Variants in USH2A observed in about 807,000 individuals in gnomAD.
The protein encoded by USH2A is Usher syndrome 2A (autosomal recessive, mild).
In USH2A, 443 loss-of-function variants were observed where a neutral mutation model predicts 538.9. That is an observed-to-expected ratio of 0.82 (90% CI 0.76 to 0.89). The LOEUF is 0.89. Ranked by LOEUF, USH2A falls within the 40% of genes least tolerant of loss-of-function variation. USH2A has a pLI of 0.00. For missense variants in USH2A, 6,633 were observed against 6,324.8 expected (o/e 1.05, Z -1.65); for synonymous variants, 2,413 against 2,273.5 (o/e 1.06, Z -1.75).
In USH2A at chr1:215,743,349, G is replaced by T. The variant is rs780189196; in HGVS notation, c.11390-14C>A. On this transcript the variant is annotated splice_polypyrimidine_tract_variant and intron_variant, in intron 58 of 71. Coordinates refer to ENST00000307340, the MANE Select transcript of USH2A (RefSeq NM_206933.4). ...GGATGAGGATCCCTTTAAAGAGAGA[G>T]AGAGAGAGAGAACATTAAAAACATA... 1.7e-5 allele frequency: 27 copies of T among 1,549,508 alleles called. No homozygotes were observed. In the South Asian group the frequency reaches 2.8e-4, roughly 16 times the overall value.
At chr1:215,739,137 T>A (rs1267172908) in intron 60 of USH2A, among the ~76,000 whole-genome samples, 3 of 152,224 alleles carry the variant, frequency 2.0e-5, no homozygotes, top group Non-Finnish European at 4.4e-5. Flanking sequence ...AATGTATCTA[T>A]GTCAGTCAGT....
intron 3 of USH2A, among the ~76,000 whole-genome samples, chr1:216,365,663 A>G (rs1180376978): frequency 6.7e-6 from 1 of 148,276 alleles, no homozygotes; most frequent in Non-Finnish European, 1.5e-5. Flanking sequence ...ATAACTGCAC[A>G]TATTAGGGAT....
At chr1:215,629,901 G>A (rs1343829728) in intron 70 of USH2A, 1 of 295,584 alleles carries the variant, frequency 3.4e-6, no homozygotes, top group Non-Finnish European at 6.6e-6. Context: ...TCAGCCTCCC[G>A]AGTAGCTGGG....
chr1:215,692,677 G>T (rs1250478280), intron 61 of USH2A, among the ~76,000 whole-genome samples: 1 of 152,102 alleles, frequency 6.6e-6, no homozygotes, highest in South Asian at 2.1e-4. Flanking sequence ...GTACTTCATA[G>T]AAAATGAAGT....
At position 215,900,819 on chromosome 1, in the gene USH2A, C is replaced by A. The variant is rs374569301; in HGVS notation, c.7387G>T (p.Ala2463Ser). Residue 2463 changes from alanine to serine, a missense_variant, in exon 39 of 72, where the codon GCT becomes TCT. Ala to Ser is a moderately conservative substitution (Grantham distance 99). Transcript: ENST00000307340. ...VVWSTPARNN[A>S]PGSPRYQLQM... is the part of the protein sequence containing the mutation. ...AGTTGGTATCTGGGAGAGCCAGGAG[C>A]GTTATTACGAGCTGGTGTAGACCAG... The A allele has an allele frequency of 2.5e-6, 4 of 1,613,738 alleles. No individual in the cohort carries two copies. Among genetic ancestry groups the A allele is most frequent in the Non-Finnish European group, 3.4e-6 (4 of 1,179,784 alleles).
intron 21 of USH2A, among the ~76,000 whole-genome samples, chr1:216,127,035 A>C (rs762095603): frequency 6.6e-6 from 1 of 152,202 alleles, no homozygotes; most frequent in Non-Finnish European, 1.5e-5. Flanking sequence ...TTTCGGATAC[A>C]ACTATCTTAG....
At chr1:216,235,841 C>A (rs1057204871) in intron 13 of USH2A, among the ~76,000 whole-genome samples, 3 of 152,128 alleles carry the variant, frequency 2.0e-5, no homozygotes, top group African/African-American at 7.2e-5. Context: ...CTACTCTCAC[C>A]TTAAGGCAGA....
At chr1:216,021,705 T>C (rs1668849364) in intron 32 of USH2A, among the ~76,000 whole-genome samples, 2 of 152,152 alleles carry the variant, frequency 1.3e-5, no homozygotes, top group African/African-American at 4.8e-5. Context: ...TCTTTCTCCA[T>C]TCTGTTTGTC....
intron 3 of USH2A, among the ~76,000 whole-genome samples, chr1:216,390,882 A>T (rs2039095791): frequency 6.6e-6 from 1 of 152,216 alleles, no homozygotes; most frequent in African/African-American, 2.4e-5. Flanking sequence ...TTGAAATTAA[A>T]ACTGGAGGGG....
chr1:216,208,037 G>T (rs1396269761), intron 15 of USH2A, among the ~76,000 whole-genome samples: 1 of 152,046 alleles, frequency 6.6e-6, no homozygotes, highest in Non-Finnish European at 1.5e-5. Flanking sequence ...TAATACAATT[G>T]CTTATCAGGC....
intron 9 of USH2A, among the ~76,000 whole-genome samples, chr1:216,313,451 G>A (rs981047854): frequency 1.3e-5 from 2 of 152,150 alleles, no homozygotes; most frequent in Non-Finnish European, 2.9e-5. Context: ...TGGCTAGAGG[G>A]AGCTGAAGTT....
At chr1:216,023,470 A>C (rs1161430823) in intron 32 of USH2A, among the ~76,000 whole-genome samples, 5 of 144,958 alleles carry the variant, frequency 3.4e-5, no homozygotes, top group African/African-American at 1.4e-4. Flanking sequence ...AAAAAAAAAA[A>C]AAAAAAAAAA....
rs1657913699 is a variant in USH2A, at chr1:215,674,154, T to C, written c.13757A>G (p.His4586Arg). Residue 4586 changes from histidine (H) to arginine (R), a missense_variant, in exon 63 of 72, where the codon CAT becomes CGT. Coordinates refer to ENST00000307340, the MANE Select transcript of USH2A (RefSeq NM_206933.4). Reference protein sequence around the residue: ...ETKIIHINTTHNSFGMQSYIV... With the variant: ...ETKIIHINTTRNSFGMQSYIV... Reference sequence around the variant, plus strand: ...ATATGACTGCATACCAAAAGAATTATGAGTTGTGTTTATGTGTATGATTTT... The same window carrying C: ...ATATGACTGCATACCAAAAGAATTACGAGTTGTGTTTATGTGTATGATTTT... The C allele has an allele frequency of 6.2e-7, 1 of 1,614,154 alleles. No individual in the cohort carries two copies. Among genetic ancestry groups the C allele is most frequent in the Non-Finnish European group, 8.5e-7 (1 of 1,180,014 alleles).
At chr1:215,799,252 T>A (rs977751773) in intron 49 of USH2A, 127 bp from the exon 50 acceptor site, 2 of 1,191,172 alleles carry the variant, frequency 1.7e-6, no homozygotes, top group African/African-American at 3.0e-5. Flanking sequence ...GAGAATAATA[T>A]CATATTGGAG....
intron 9 of USH2A, among the ~76,000 whole-genome samples, chr1:216,303,964 TAG>T (rs777621191): frequency 7.9e-5 from 12 of 151,990 alleles, no homozygotes; most frequent in Non-Finnish European, 1.8e-4. Context: ...CCATTGTGAA[TAG>T]AGTCACCTCC....
At chr1:216,112,455 T>G (rs1467883164) in intron 21 of USH2A, among the ~76,000 whole-genome samples, 1 of 152,184 alleles carries the variant, frequency 6.6e-6, no homozygotes, top group Non-Finnish European at 1.5e-5. Flanking sequence ...CAAAGAAATG[T>G]GTTTTATAAA....
At position 215,953,573 on chromosome 1, in the gene USH2A, T is replaced by C. The variant is rs541242117; in HGVS notation, c.7120+11744A>G. On this transcript the variant is annotated intron_variant, in intron 37 of 71. Transcript: ENST00000307340. ...ATACAAAAATCAATTCAAGATGGAT[T>C]AAAGACTTAAATGTTAGACCTAAAA... Among the ~76,000 whole-genome samples, 11 of 152,158 alleles carry C rather than the reference T, an allele frequency of 7.2e-5. No individual in the cohort carries two copies. The South Asian group carries it at 8.3e-4, about 12-fold the overall frequency.
intron 16 of USH2A, among the ~76,000 whole-genome samples, chr1:216,202,930 A>T (rs528975564): frequency 5.9e-5 from 9 of 152,254 alleles, no homozygotes; most frequent in African/African-American, 2.2e-4. Flanking sequence ...CTCTGCTTCA[A>T]CATTTATATA....
intron 4 of USH2A, among the ~76,000 whole-genome samples, chr1:216,345,510 T>C (rs575461750): frequency 6.6e-6 from 1 of 152,280 alleles, no homozygotes; most frequent in East Asian, 1.9e-4. Context: ...TTCTTACCAG[T>C]GAGACTTCTG....
Sources: allele counts gnomAD v4.1 joint callset (sites outside exome capture counted in the v4.1 genomes callset), GRCh38; gene constraint gnomAD v4.1.1; transcripts MANE v1.5; gene names NCBI Gene and HGNC (gene_info 2026-07-23, HGNC 2026-07-21).